The following SPANXN4 variants were observed in gnomAD, a reference collection of about 807,000 sequenced individuals.
SPANXN4 encodes the protein SPANX family member N4, also known as sperm protein associated with the nucleus on the X chromosome N4.
A neutral mutation model predicts 6.0 loss-of-function variants in SPANXN4; 5 were observed. That is an observed-to-expected ratio of 0.83 (90% CI 0.44 to 1.75). The LOEUF (loss-of-function observed/expected upper bound fraction) is 1.75, where lower values mean the gene tolerates loss of function less well. SPANXN4 is among the 40% of genes most tolerant of loss of function. The pLI is 0.02. For missense variants in SPANXN4, 157 were observed against 108.6 expected, an observed-to-expected ratio of 1.45 and a Z score of -1.98; for synonymous variants, 45 against 38.0, an observed-to-expected ratio of 1.19 and a Z score of -0.68.
At chrX:143,034,229 G>A (rs893851181) in exon 2 of SPANXN4, 1 of 1,168,022 alleles carries the variant, frequency 8.6e-7, no homozygotes, top group African/African-American at 1.8e-5. Context: ...ATCTCCACAG[G>A]ATGGTGGGCA....
intron 1 of SPANXN4, among the ~76,000 whole-genome samples, chrX:143,027,713 A>G (rs1932786241): frequency 9.0e-6 from 1 of 111,100 alleles, no homozygotes; most frequent in Non-Finnish European, 1.9e-5. Context: ...TGGACAAACA[A>G]ATTTAACAGT....
In SPANXN4 at chrX:143,025,991, G is replaced by C. The variant is rs1193237857; in HGVS notation, c.-24G>C. ...CTGCACCCTAGAAGATCCTAGTACA[G>C]AAATTCTACAACCAACCATAATCAT... On this transcript the variant is annotated 5_prime_UTR_variant, in exon 1 of 3. Coordinates refer to ENST00000370504, the Ensembl canonical transcript of SPANXN4. The C allele has an allele frequency of 3.3e-6, 4 of 1,196,738 alleles. No homozygotes were observed. In the Admixed American group the frequency reaches 6.8e-5, roughly 20 times the overall value.
At chrX:143,033,052 G>A (rs1443542639) in intron 1 of SPANXN4, among the ~76,000 whole-genome samples, 1 of 111,667 alleles carries the variant, frequency 9.0e-6, no homozygotes, top group African/African-American at 3.3e-5. Flanking sequence ...ATTTTCTGGA[G>A]AACCAGCAGA....
chrX:143,028,289 G>T (rs1208087206), intron 1 of SPANXN4, among the ~76,000 whole-genome samples: 2 of 110,639 alleles, frequency 1.8e-5, no homozygotes, highest in East Asian at 5.7e-4. Flanking sequence ...CCAGTCCCCT[G>T]GTTGTAGGGA....
chrX:143,033,464 A>G (rs1354892306), intron 1 of SPANXN4, among the ~76,000 whole-genome samples: 1 of 111,527 alleles, frequency 9.0e-6, no homozygotes, highest in Non-Finnish European at 1.9e-5. Context: ...CAACACAGGT[A>G]TATTGCCGAC....
chrX:143,034,596 G>A (rs1479806798), exon 3 of SPANXN4: 7 of 1,163,524 alleles, frequency 6.0e-6, no homozygotes, highest in Non-Finnish European at 8.0e-6. Flanking sequence ...GTAGGTGACA[G>A]TGACACTCTT....
downstream of SPANXN4, chrX:143,034,847 C>T (rs1932835553): frequency 1.3e-6 from 1 of 792,098 alleles, no homozygotes; most frequent in Non-Finnish European, 1.6e-6. Context: ...AAGTGTGGGG[C>T]ACTGGGAGTG....
intron 1 of SPANXN4, among the ~76,000 whole-genome samples, chrX:143,032,268 C>T: frequency 9.0e-6 from 1 of 111,576 alleles, no homozygotes; most frequent in Non-Finnish European, 1.9e-5. Flanking sequence ...GGAACATGAT[C>T]TCAGATTATG....
intron 1 of SPANXN4, among the ~76,000 whole-genome samples, chrX:143,032,520 G>A (rs943190997): frequency 9.0e-6 from 1 of 110,532 alleles, no homozygotes; most frequent in African/African-American, 3.3e-5. Context: ...GAGGAGAAAG[G>A]CTTGTCCTGA....
chrX:143,032,421 G>A (rs774500750), intron 1 of SPANXN4, among the ~76,000 whole-genome samples: 7 of 110,199 alleles, frequency 6.4e-5, no homozygotes, highest in African/African-American at 2.0e-4. Flanking sequence ...CAGTAAAGGG[G>A]TGGAGGAGCC....
chrX:143,031,815 G>A (rs67390747), intron 1 of SPANXN4, among the ~76,000 whole-genome samples: 30,002 of 110,789 alleles, frequency 0.27, 3,565 homozygotes, highest in East Asian at 0.42. Flanking sequence ...TTGGATGTCG[G>A]GGGCTGACTG....
intron 1 of SPANXN4, among the ~76,000 whole-genome samples, chrX:143,032,049 G>T (rs774996012): frequency 8.9e-6 from 1 of 112,074 alleles, no homozygotes; most frequent in African/African-American, 3.2e-5. Context: ...GCATGTTGTT[G>T]GTGGAGGGTG....
chrX:143,034,845 G>A (rs1932835538), downstream of SPANXN4: 4 of 805,273 alleles, frequency 5.0e-6, no homozygotes, highest in Non-Finnish European at 6.5e-6. Context: ...CCAAGTGTGG[G>A]GCACTGGGAG....
chrX:143,028,956 T>C lies in SPANXN4; in HGVS notation c.78+2864T>C, dbSNP rs921191160. Reference sequence around the variant, plus strand: ...GGAAATGGTTGCGCACGTATAAAAGTACAGAAGGTTTTTAATACTTGGACA... The same window carrying C: ...GGAAATGGTTGCGCACGTATAAAAGCACAGAAGGTTTTTAATACTTGGACA... On this transcript the variant is annotated intron_variant, in intron 1 of 2. Transcript: ENST00000370504. 4.5e-5 allele frequency among the ~76,000 whole-genome samples: 5 copies of C among 111,990 alleles called. 1 individual carries two copies. Among genetic ancestry groups the C allele is most frequent in the Admixed American group, 3.8e-4 (4 of 10,610 alleles).
Position 143,034,090 on chromosome X carries a change from A to T in SPANXN4, c.141A>T (p.Lys47Asn), listed in dbSNP as rs10482390. ...GTTTGAAAGAGACAGAAAAAGCAAA[A>T]TATCCAACATTAGTGTTTTACTGCA... is the stretch of plus-strand genomic sequence containing the variant. The change falls in exon 2 of 3, where the codon AAA becomes AAT. Residue 47 changes from lysine to asparagine, a missense_variant. Transcript: ENST00000370504. 7.9e-3 allele frequency: 9,299 copies of T among 1,178,108 alleles called. 460 individuals are homozygous for T. In the African/African-American group the frequency reaches 0.14, roughly 18 times the overall value.
At chrX:143,026,538 A>G (rs949243911) in intron 1 of SPANXN4, among the ~76,000 whole-genome samples, 2 of 111,910 alleles carry the variant, frequency 1.8e-5, no homozygotes, top group African/African-American at 6.5e-5. Flanking sequence ...AAGAGAGTGC[A>G]GTTTAGACTG....
chrX:143,030,392 T>C lies in SPANXN4; in HGVS notation c.79-3636T>C, dbSNP rs112618986. ...GGAAGTTTAAAACCTTAGTGATGTG[T>C]TGGACTGACAGGTTATGGGAGGGAC... On this transcript the variant is annotated intron_variant, in intron 1 of 2. Transcript: ENST00000370504. Among the ~76,000 whole-genome samples the C allele has an allele frequency of 3.7e-3, 413 of 110,528 alleles. 2 individuals carry two copies. The highest frequency in any genetic ancestry group is 0.013 in the African/African-American group (397 of 30,323).
At chrX:143,027,472 C>T (rs1424433828) in intron 1 of SPANXN4, among the ~76,000 whole-genome samples, 2 of 110,979 alleles carry the variant, frequency 1.8e-5, no homozygotes, top group Non-Finnish European at 3.8e-5. Context: ...TTATGGGATC[C>T]AGCTTGTATC....
chrX:143,026,762 GT>G lies in SPANXN4; in HGVS notation c.78+673del, dbSNP rs754059171. Among the ~76,000 whole-genome samples the G allele has an allele frequency of 7.5e-3, 829 of 110,921 alleles. 5 individuals are homozygous for G. Among genetic ancestry groups the G allele is most frequent in the Non-Finnish European group, 0.013 (714 of 52,960 alleles). On this transcript the variant is annotated intron_variant, in intron 1 of 2. Coordinates refer to ENST00000370504, the Ensembl canonical transcript of SPANXN4. Reference sequence around the variant, plus strand: ...GCTGGGTGGCTGCCTGGACAGGGGAGTTTAGCTTTAGGGAGATAAAGAGGGA... The same window carrying G: ...GCTGGGTGGCTGCCTGGACAGGGGAGTTAGCTTTAGGGAGATAAAGAGGGA...
Sources: gnomAD v4.1 joint callset for allele counts (sites outside exome capture counted in the v4.1 genomes callset) on GRCh38, gnomAD v4.1.1 for gene constraint, MANE v1.5 for transcripts, NCBI Gene and HGNC (gene_info 2026-07-23, HGNC 2026-07-21) for gene names.